Variants in AFG1L observed in about 807,000 individuals in gnomAD.
AFG1L encodes AFG1-like ATPase.
A neutral mutation model predicts 62.2 loss-of-function variants in AFG1L; 53 were observed. That is an observed-to-expected ratio of 0.85 (90% CI 0.68 to 1.07). The LOEUF (loss-of-function observed/expected upper bound fraction) is 1.07. Ranked by LOEUF, AFG1L falls within the 50% of genes least tolerant of loss-of-function variation. The pLI is 0.00. For synonymous variants in AFG1L, 228 were observed against 210.3 expected, an observed-to-expected ratio of 1.08 and a Z score of -0.73; for missense variants, 555 against 590.5, an observed-to-expected ratio of 0.94 and a Z score of 0.62.
chr6:108,345,767 A>G (rs952599806), intron 2 of AFG1L, among the ~76,000 whole-genome samples: 4 of 151,988 alleles, frequency 2.6e-5, no homozygotes, highest in Admixed American at 2.6e-4. Flanking sequence ...ATATCCATTG[A>G]CCATTGGTAC....
chr6:108,402,829 C>T (rs1047951093), intron 7 of AFG1L, among the ~76,000 whole-genome samples: 5 of 151,924 alleles, frequency 3.3e-5, no homozygotes, highest in Admixed American at 1.3e-4. Context: ...AGCATTATTA[C>T]AAAAATATTC....
intron 11 of AFG1L, among the ~76,000 whole-genome samples, chr6:108,511,030 T>G (rs751008372): frequency 1.3e-5 from 2 of 149,984 alleles, no homozygotes; most frequent in Non-Finnish European, 3.0e-5. Flanking sequence ...TAGTGAGTCA[T>G]GATCACCCCA....
At chr6:108,335,346 A>G (rs987465877) in intron 2 of AFG1L, among the ~76,000 whole-genome samples, 3 of 152,174 alleles carry the variant, frequency 2.0e-5, no homozygotes, top group Non-Finnish European at 4.4e-5. Context: ...TCAATACTCA[A>G]TTCATGTTTG....
In AFG1L at chr6:108,476,896, G is replaced by T; in HGVS notation, c.922G>T (p.Asp308Tyr). The part of the protein sequence containing the change: ...TSEADVEAVM[D>Y]KLFDELAQKQ... Reference sequence around the variant, plus strand: ...TGAAGCTGATGTGGAGGCTGTCATGGATAAGTTGTTTGATGAGCTGGCTCA... The same window carrying T: ...TGAAGCTGATGTGGAGGCTGTCATGTATAAGTTGTTTGATGAGCTGGCTCA... The change falls in exon 9 of 13, where the codon GAT becomes TAT. Residue 308 changes from aspartate to tyrosine, a missense_variant. Coordinates refer to ENST00000368977, the MANE Select transcript of AFG1L (RefSeq NM_145315.5). 6.2e-7 allele frequency: 1 copy of T among 1,613,970 alleles called. No homozygotes were observed. Among genetic ancestry groups the T allele is most frequent in the Non-Finnish European group, 8.5e-7 (1 of 1,179,904 alleles).
chr6:108,335,606 CTCTT>C (rs1285884939), intron 2 of AFG1L, among the ~76,000 whole-genome samples: 2 of 152,208 alleles, frequency 1.3e-5, no homozygotes, highest in African/African-American at 4.8e-5. Context: ...TATTTTCCAC[CTCTT>C]TCTTTTGATG....
chr6:108,465,854 CT>C (rs1291666241), intron 8 of AFG1L, among the ~76,000 whole-genome samples: 2 of 151,644 alleles, frequency 1.3e-5, no homozygotes, highest in African/African-American at 4.8e-5. Context: ...TTTAATTTAA[CT>C]TTTTTAAAGA....
At chr6:108,355,555 G>T in intron 3 of AFG1L, 99 bp from the exon 4 acceptor site, 1 of 568,434 alleles carries the variant, frequency 1.8e-6, no homozygotes, top group South Asian at 3.3e-5. Context: ...CTTCCTAGCG[G>T]AAGAGTATGG....
intron 3 of AFG1L, among the ~76,000 whole-genome samples, chr6:108,353,288 G>A (rs1779150331): frequency 6.6e-6 from 1 of 151,764 alleles, no homozygotes; most frequent in Non-Finnish European, 1.5e-5. Context: ...CTGAGTAGCT[G>A]GGACTACAGG....
At chr6:108,516,596 CAG>C (rs1335247189) in intron 11 of AFG1L, among the ~76,000 whole-genome samples, 1 of 152,184 alleles carries the variant, frequency 6.6e-6, no homozygotes, top group African/African-American at 2.4e-5. Flanking sequence ...TGGCAAAAGA[CAG>C]GGATGCCCTC....
chr6:108,389,199 C>A (rs1254877169), intron 6 of AFG1L, among the ~76,000 whole-genome samples: 1 of 152,078 alleles, frequency 6.6e-6, no homozygotes, highest in Admixed American at 6.6e-5. Flanking sequence ...AGGATTGCAA[C>A]CCCTGCCTTT....
At chr6:108,447,641 C>T (rs747790964) in intron 8 of AFG1L, among the ~76,000 whole-genome samples, 3 of 152,044 alleles carry the variant, frequency 2.0e-5, no homozygotes, top group Non-Finnish European at 2.9e-5. Context: ...GACAAGTGTG[C>T]CATTTCCGTT....
intron 7 of AFG1L, among the ~76,000 whole-genome samples, chr6:108,407,009 C>T (rs992718545): frequency 3.3e-5 from 5 of 152,084 alleles, no homozygotes; most frequent in African/African-American, 1.2e-4. Context: ...GTTCTGACTC[C>T]CATGTGATCT....
Position 108,519,725 on chromosome 6 carries a change from C to G in AFG1L, c.1232C>G (p.Pro411Arg), listed in dbSNP as rs139987969. Residue 411 changes from proline to arginine, a missense_variant, in exon 12 of 13, where the codon CCT (proline) becomes CGT (arginine). Physicochemically the swap from Pro to Arg is moderately radical, Grantham distance 103. Transcript: ENST00000368977. ...KVRIICSAST[P>R]ISSLFLHQHH... is the part of the protein sequence containing the mutation. ...CGTATAATTTGCTCTGCGTCGACTC[C>G]TATATCAAGCTTATTTTTGCATCAA... The G allele has an allele frequency of 5.6e-6, 9 of 1,612,438 alleles. No individual in the cohort carries two copies. The African/African-American group carries it at 1.2e-4, about 22-fold the overall frequency.
chr6:108,426,223 T>C (rs1369474931), intron 7 of AFG1L, among the ~76,000 whole-genome samples: 2 of 152,142 alleles, frequency 1.3e-5, no homozygotes, highest in Non-Finnish European at 2.9e-5. Flanking sequence ...TAGTGCACTT[T>C]TTTTTTTAGT....
chr6:108,518,505 TG>T (rs1774990746), intron 11 of AFG1L, among the ~76,000 whole-genome samples: 1 of 38,370 alleles, frequency 2.6e-5, no homozygotes, highest in African/African-American at 1.1e-4. Context: ...TGTTGTGGGG[TG>T]GGGGGAGGGG....
At chr6:108,514,453 A>G (rs1774795886) in intron 11 of AFG1L, among the ~76,000 whole-genome samples, 2 of 152,174 alleles carry the variant, frequency 1.3e-5, no homozygotes, top group African/African-American at 4.8e-5. Flanking sequence ...ATGCTGAGAG[A>G]TTTTGTCACC....
intron 2 of AFG1L, among the ~76,000 whole-genome samples, chr6:108,333,239 G>C (rs1297540589): frequency 1.3e-5 from 2 of 151,792 alleles, no homozygotes; most frequent in African/African-American, 2.4e-5. Flanking sequence ...GTGAAACCCC[G>C]TCTGTACTAA....
At chr6:108,337,008 G>A (rs1170810434) in intron 2 of AFG1L, among the ~76,000 whole-genome samples, 1 of 152,158 alleles carries the variant, frequency 6.6e-6, no homozygotes, top group Non-Finnish European at 1.5e-5. Flanking sequence ...AAAAATACAG[G>A]CTGCCCAGAT....
intron 11 of AFG1L, among the ~76,000 whole-genome samples, chr6:108,518,520 G>A: frequency 7.7e-6 from 1 of 130,602 alleles, no homozygotes. Flanking sequence ...GGAGGGGGGA[G>A]GGATAGCATT....
Sources: gnomAD v4.1 joint callset for allele counts (sites outside exome capture counted in the v4.1 genomes callset) on GRCh38, gnomAD v4.1.1 for gene constraint, MANE v1.5 for transcripts, NCBI Gene and HGNC (gene_info 2026-07-23, HGNC 2026-07-21) for gene names.